IFT74: variants seen among roughly 807,000 people sequenced by gnomAD.
IFT74 encodes the protein intraflagellar transport 74.
A neutral mutation model predicts 96.7 loss-of-function variants in IFT74; 92 were observed. That is an observed-to-expected ratio of 0.95 (90% CI 0.80 to 1.13). The LOEUF is 1.13. IFT74 is among the 50% of genes most tolerant of loss of function. The probability of loss-of-function intolerance (pLI) is 0.00; values close to 1 mark genes in which losing one functional copy is unlikely to be tolerated. For missense variants in IFT74, 811 were observed against 698.2 expected, an observed-to-expected ratio of 1.16 and a Z score of -1.82; for synonymous variants, 223 against 213.2, an observed-to-expected ratio of 1.05 and a Z score of -0.40.
Position 27,009,177 on chromosome 9 carries a change from G to C in IFT74, c.726+19G>C. 6.2e-7 allele frequency: 1 copy of C among 1,604,622 alleles called. No individual in the cohort carries two copies. The highest frequency in any genetic ancestry group is 1.7e-4 in the Middle Eastern group (1 of 6,002). The stretch of plus-strand genomic sequence containing the variant: ...GTTACAGGTAATACAAATTACTGCT[G>C]TGTGCCAAGCATGTATCATTCTTGC... On this transcript the variant is annotated intron_variant, in intron 9 of 19. Coordinates refer to ENST00000380062, the MANE Select transcript of IFT74 (RefSeq NM_025103.4).
intron 13 of IFT74, among the ~76,000 whole-genome samples, chr9:27,038,773 T>A (rs1819331436): frequency 6.6e-6 from 1 of 152,220 alleles, no homozygotes. Context: ...TCAATTTGGA[T>A]ACTTGAAAAA....
At position 26,998,165 on chromosome 9, in the gene IFT74, T is replaced by G. The variant is rs1175375402; in HGVS notation, c.587+7970T>G. ...AAGAGTAATTTGGTTATAACTGAGA[T>G]CAAGTATAGTAACATCTTTCTTGAT... is the stretch of plus-strand genomic sequence containing the variant. On this transcript the variant is annotated intron_variant, in intron 8 of 19. Coordinates refer to ENST00000380062, the MANE Select transcript of IFT74 (RefSeq NM_025103.4). The G allele has an allele frequency of 6.3e-7, 1 of 1,596,084 alleles. No individual in the cohort carries two copies. The highest frequency in any genetic ancestry group is 8.6e-7 in the Non-Finnish European group (1 of 1,167,588).
In IFT74 at chr9:26,948,448, A is replaced by ATTATTTTTTTTTTTTTTTTTTTTTTTTT. The variant is rs1825819541; in HGVS notation, c.-20+1304_-20+1305insATTTTTTTTTTTTTTTTTTTTTTTTTTT. 1.0e-4 allele frequency among the ~76,000 whole-genome samples: 6 copies of ATTATTTTTTTTTTTTTTTTTTTTTTTTT among 59,164 alleles called. 1 individual carries two copies. Among genetic ancestry groups the ATTATTTTTTTTTTTTTTTTTTTTTTTTT allele is most frequent in the Non-Finnish European group, 2.3e-4 (6 of 26,086 alleles). The allele number at this position is 59,164 out of a possible 152,430, so 38.8% of individuals were successfully genotyped here. A position where few individuals can be genotyped will look rare whatever the true frequency, so the allele number is the denominator to read the frequency against. ...TGACAACCTGTGATGGCTTTCCATT[A>ATTATTTTTTTTTTTTTTTTTTTTTTTTT]TTTTTTTTTTTTTTTTTTTTTTTTT... On this transcript the variant is annotated intron_variant, in intron 1 of 19. Transcript: ENST00000433700.
intron 2 of IFT74, among the ~76,000 whole-genome samples, chr9:26,971,301 T>C (rs1252652981): frequency 6.6e-6 from 1 of 152,004 alleles, no homozygotes; most frequent in Non-Finnish European, 1.5e-5. Context: ...TGCTTATTAG[T>C]TTTTTTTATA....
chr9:27,022,182 G>C (rs1829638569), intron 12 of IFT74, among the ~76,000 whole-genome samples: 1 of 152,002 alleles, frequency 6.6e-6, no homozygotes, highest in East Asian at 1.9e-4. Flanking sequence ...CTGTGCCATT[G>C]GTCCATGTAC....
In IFT74 at chr9:27,009,123, C is replaced by T; in HGVS notation, c.691C>T (p.Leu231=). ...GTCTTTTGAAAACCAAGTCAAGTACCTAGAGATGAAAACCACAAATGAGAA... is the reference window on the plus strand; with the variant it reads ...GTCTTTTGAAAACCAAGTCAAGTACTTAGAGATGAAAACCACAAATGAGAA... ...NMSFENQVKY[L]EMKTTNEKLL... is the part of the protein sequence containing the mutation. The change falls in exon 9 of 20, where the codon CTA becomes TTA. Residue 231 remains leucine (L), a synonymous_variant. Coordinates refer to ENST00000380062, the MANE Select transcript of IFT74 (RefSeq NM_025103.4). 1 of 1,613,008 alleles carries T rather than the reference C, an allele frequency of 6.2e-7. No homozygotes were observed. Among genetic ancestry groups the T allele is most frequent in the Non-Finnish European group, 8.5e-7 (1 of 1,179,332 alleles).
Position 27,016,971 on chromosome 9 carries a change from A to G in IFT74, c.854A>G (p.Glu285Gly), listed in dbSNP as rs768277906. ...VLLHEKLYEL[E>G]SHRDQMIAED... ...CTGCATGAAAAACTTTATGAGTTGG[A>G]GTCCCATCGAGATCAAATGATTGCA... Residue 285 changes from glutamate to glycine, a missense_variant, in exon 11 of 20, where the codon GAG becomes GGG. Physicochemically the swap from Glu to Gly is moderately conservative, Grantham distance 98 (BLOSUM62 -2). Transcript: ENST00000380062. 6.2e-7 allele frequency: 1 copy of G among 1,611,378 alleles called. No individual in the cohort carries two copies. Among genetic ancestry groups the G allele is most frequent in the Non-Finnish European group, 8.5e-7 (1 of 1,178,464 alleles).
In IFT74 at chr9:27,064,884, G is replaced by C. The variant is rs951213193; in HGVS notation, c.*2148G>C. Reference sequence around the variant, plus strand: ...TTATGGGTGATTGTAATCTTCCTTGGGCTTTTTGGTATTTTCAAAATTGTC... The same window carrying C: ...TTATGGGTGATTGTAATCTTCCTTGCGCTTTTTGGTATTTTCAAAATTGTC... On this transcript the variant is annotated 3_prime_UTR_variant, in exon 20 of 20. Transcript: ENST00000380062. 2.6e-5 allele frequency among the ~76,000 whole-genome samples: 4 copies of C among 151,478 alleles called. No individual in the cohort carries two copies. Among genetic ancestry groups the C allele is most frequent in the Non-Finnish European group, 5.9e-5 (4 of 67,852 alleles).
intron 1 of IFT74, among the ~76,000 whole-genome samples, chr9:26,960,143 T>C (rs1279051378): frequency 6.6e-6 from 1 of 152,156 alleles, no homozygotes; most frequent in Non-Finnish European, 1.5e-5. Context: ...CCAACGTAAA[T>C]GGCATGGCTC....
chr9:27,007,133 A>G (rs1385780599), intron 8 of IFT74, among the ~76,000 whole-genome samples: 3 of 152,048 alleles, frequency 2.0e-5, no homozygotes, highest in African/African-American at 7.2e-5. Context: ...CACCATGCCC[A>G]GCCTGTTTAC....
intron 15 of IFT74, 97 bp from the exon 16 acceptor site, chr9:27,048,051 C>A (rs1819769671): frequency 2.7e-6 from 2 of 752,542 alleles, no homozygotes. Context: ...ATACCTGATC[C>A]AAACATCTCA....
chr9:26,986,466 C>G (rs1293567463), intron 6 of IFT74, among the ~76,000 whole-genome samples: 1 of 151,820 alleles, frequency 6.6e-6, no homozygotes, highest in Non-Finnish European at 1.5e-5. Context: ...CAGGCACATG[C>G]CATCACACCA....
chr9:27,011,420 T>C (rs1214353381), intron 9 of IFT74, among the ~76,000 whole-genome samples: 1 of 152,216 alleles, frequency 6.6e-6, no homozygotes, highest in Non-Finnish European at 1.5e-5. Flanking sequence ...ACCATATTTA[T>C]ATTTACATAT....
At chr9:27,031,368 G>A (rs963709355) in intron 13 of IFT74, among the ~76,000 whole-genome samples, 23 of 152,042 alleles carry the variant, frequency 1.5e-4, no homozygotes, top group Non-Finnish European at 3.2e-4. Flanking sequence ...TCAGGAGGCT[G>A]AGGCAGGAGA....
intron 8 of IFT74, chr9:26,994,536 C>CAAAAAA (rs1170964624): frequency 1.6e-4 from 9 of 58,046 alleles, no homozygotes; most frequent in South Asian, 6.0e-4. Flanking sequence ...GACTTTGTCT[C>CAAAAAA]AAAAAAAAAA....
Position 27,016,901 on chromosome 9 carries a change from CT to C in IFT74, c.790-3del. ...ATTAAAACTTTCCCTTCTTATTTTC[CT>C]TTAGGAAATAGCTCACTCCCAGGTG... is the stretch of plus-strand genomic sequence containing the variant. On this transcript the variant is annotated splice_polypyrimidine_tract_variant and splice_region_variant and intron_variant, in intron 10 of 19. Coordinates refer to ENST00000380062, the MANE Select transcript of IFT74 (RefSeq NM_025103.4). The C allele has an allele frequency of 6.3e-7, 1 of 1,580,516 alleles. No homozygotes were observed. The highest frequency in any genetic ancestry group is 1.9e-5 in the Admixed American group (1 of 52,104).
In IFT74 at chr9:27,011,897, T is replaced by TC. The variant is rs891248771; in HGVS notation, c.727-7dup. On this transcript the variant is annotated splice_polypyrimidine_tract_variant and intron_variant, in intron 9 of 19. Coordinates refer to ENST00000380062, the MANE Select transcript of IFT74 (RefSeq NM_025103.4). ...TTGGATTTATGTTTGCTTTTTTTTT[T>TC]CCACTTAGGAATTAGATACACTTCA... 2 of 1,530,188 alleles carry TC rather than the reference T, an allele frequency of 1.3e-6. No individual in the cohort carries two copies. The highest frequency in any genetic ancestry group is 1.4e-5 in the African/African-American group (1 of 70,802). The allele number at this position is 1,530,188 out of a possible 1,614,324, so 94.8% of individuals were successfully genotyped here. A position where few individuals can be genotyped will look rare whatever the true frequency, so the allele number is the denominator to read the frequency against.
chr9:27,009,004 G>T lies in IFT74; in HGVS notation c.588-16G>T, dbSNP rs200879951. On this transcript the variant is annotated splice_polypyrimidine_tract_variant and intron_variant, in intron 8 of 19. Transcript: ENST00000380062. ...CTCAATATAGTATCAGGAATATTAC[G>T]TGCTTCTGATTTTAGGAAAGAAAAA... The T allele has an allele frequency of 1.9e-6, 3 of 1,601,680 alleles. No individual in the cohort carries two copies. Among genetic ancestry groups the T allele is most frequent in the African/African-American group, 2.7e-5 (2 of 74,538 alleles).
chr9:26,985,537 T>TA (rs1190020015), intron 6 of IFT74, among the ~76,000 whole-genome samples: 6 of 152,164 alleles, frequency 3.9e-5, no homozygotes, highest in South Asian at 2.1e-4. Flanking sequence ...CATGAATACA[T>TA]ACTTATTGGG....
Sources: gnomAD v4.1 joint callset for allele counts (sites outside exome capture counted in the v4.1 genomes callset) on GRCh38, gnomAD v4.1.1 for gene constraint, MANE v1.5 for transcripts, NCBI Gene and HGNC (gene_info 2026-07-23, HGNC 2026-07-21) for gene names.